Variants in SGCZ observed in about 807,000 individuals in gnomAD.
SGCZ encodes zeta-sarcoglycan.
In SGCZ, 40 loss-of-function variants were observed where a neutral mutation model predicts 41.3. That is an observed-to-expected ratio of 0.97 (90% confidence interval 0.75 to 1.26). The LOEUF (loss-of-function observed/expected upper bound fraction) is 1.26. Ranked by LOEUF, SGCZ falls within the 50% of genes most tolerant of loss-of-function variation. The pLI, the probability that SGCZ is intolerant of heterozygous loss-of-function variation, is 0.00. For missense variants in SGCZ, 552 were observed against 369.8 expected (o/e 1.49, Z -4.04); for synonymous variants, 206 against 137.5 (o/e 1.50, Z -3.49).
At chr8:14,390,664 G>C (rs935578048) in intron 2 of SGCZ, among the ~76,000 whole-genome samples, 4 of 151,740 alleles carry the variant, frequency 2.6e-5, no homozygotes, top group Non-Finnish European at 4.4e-5. Context: ...GTCATTTTAG[G>C]TTGACACAAA....
chr8:14,783,161 C>T (rs1201976862), intron 1 of SGCZ, among the ~76,000 whole-genome samples: 1 of 152,142 alleles, frequency 6.6e-6, no homozygotes, highest in East Asian at 1.9e-4. Flanking sequence ...TGGCCGGGCA[C>T]GGTGGCTCAC....
intron 2 of SGCZ, among the ~76,000 whole-genome samples, chr8:14,461,707 G>A (rs894206590): frequency 2.0e-5 from 3 of 151,988 alleles, no homozygotes; most frequent in African/African-American, 4.8e-5. Flanking sequence ...GATATTCAAC[G>A]CAAAGTCCTA....
intron 2 of SGCZ, among the ~76,000 whole-genome samples, chr8:14,472,730 T>A (rs147934369): frequency 6.6e-6 from 1 of 152,178 alleles, no homozygotes; most frequent in Admixed American, 6.5e-5. Flanking sequence ...TCCTCCTGTA[T>A]ACATTCAAAC....
At chr8:14,531,163 T>C (rs1373130338) in intron 2 of SGCZ, among the ~76,000 whole-genome samples, 1 of 152,026 alleles carries the variant, frequency 6.6e-6, no homozygotes. Context: ...TACACTATCA[T>C]ACCTCTTTCT....
chr8:14,496,449 T>A (rs1232639732), intron 2 of SGCZ, among the ~76,000 whole-genome samples: 4 of 152,098 alleles, frequency 2.6e-5, no homozygotes, highest in Non-Finnish European at 5.9e-5. Context: ...TCTTGAGTAT[T>A]TTCTTCCCAT....
chr8:14,645,971 C>T (rs1510443), intron 1 of SGCZ, among the ~76,000 whole-genome samples: 112,369 of 151,526 alleles, frequency 0.74, 41,881 homozygotes, highest in East Asian at 0.91. Context: ...TCTATAAAAA[C>T]GAGAAAAATT....
At chr8:14,831,452 G>A (rs1227200933) in intron 1 of SGCZ, among the ~76,000 whole-genome samples, 1 of 152,106 alleles carries the variant, frequency 6.6e-6, no homozygotes, top group East Asian at 1.9e-4. Flanking sequence ...ATAATTCTGG[G>A]ACACAGTGCT....
chr8:14,700,555 G>T (rs1014159547), intron 1 of SGCZ, among the ~76,000 whole-genome samples: 1 of 151,710 alleles, frequency 6.6e-6, no homozygotes, highest in East Asian at 1.9e-4. Flanking sequence ...CCAGACCTCA[G>T]TGACACACAA....
chr8:14,707,724 G>T (rs1268454644), intron 1 of SGCZ, among the ~76,000 whole-genome samples: 1 of 152,076 alleles, frequency 6.6e-6, no homozygotes, highest in Non-Finnish European at 1.5e-5. Context: ...ATGAACAATT[G>T]TTAGAAAGAA....
intron 1 of SGCZ, among the ~76,000 whole-genome samples, chr8:14,585,828 C>T (rs185822611): frequency 2.0e-5 from 3 of 152,176 alleles, no homozygotes; most frequent in South Asian, 2.1e-4. Flanking sequence ...AATTCTGTTT[C>T]GTAGCAAACC....
chr8:14,508,345 C>G (rs990423731), intron 2 of SGCZ, among the ~76,000 whole-genome samples: 2 of 151,962 alleles, frequency 1.3e-5, no homozygotes, highest in African/African-American at 4.8e-5. Flanking sequence ...ATAGAAAACC[C>G]CTATTAAAAA....
At chr8:14,356,601 G>A (rs1314837936) in intron 2 of SGCZ, among the ~76,000 whole-genome samples, 1 of 151,842 alleles carries the variant, frequency 6.6e-6, no homozygotes, top group Non-Finnish European at 1.5e-5. Context: ...TGCCTTTTTA[G>A]CCCAATATAA....
intron 2 of SGCZ, among the ~76,000 whole-genome samples, chr8:14,521,380 T>A (rs1802783483): frequency 6.6e-6 from 1 of 152,148 alleles, no homozygotes; most frequent in African/African-American, 2.4e-5. Context: ...TTGTGTGTAT[T>A]GATAGTAATC....
At chr8:14,346,229 C>T (rs1197691234) in intron 2 of SGCZ, among the ~76,000 whole-genome samples, 2 of 151,960 alleles carry the variant, frequency 1.3e-5, no homozygotes, top group African/African-American at 4.8e-5. Context: ...ATTGTTTGTA[C>T]ATTCTGCTCA....
At chr8:14,277,326 C>T (rs1243264715) in intron 3 of SGCZ, among the ~76,000 whole-genome samples, 1 of 149,460 alleles carries the variant, frequency 6.7e-6, no homozygotes, top group Non-Finnish European at 1.5e-5. Flanking sequence ...CTTTTGCAAT[C>T]CTGTCCCCTT....
intron 4 of SGCZ, among the ~76,000 whole-genome samples, chr8:14,216,311 T>C (rs1206700243): frequency 6.6e-6 from 1 of 152,170 alleles, no homozygotes; most frequent in Non-Finnish European, 1.5e-5. Flanking sequence ...TTTCCTATAC[T>C]TTCTCCTACC....
chr8:14,811,118 T>C (rs1373371590), intron 1 of SGCZ, among the ~76,000 whole-genome samples: 1 of 152,022 alleles, frequency 6.6e-6, no homozygotes, highest in African/African-American at 2.4e-5. Context: ...GTAAGAAATA[T>C]AGAACACAGA....
chr8:14,882,950 A>AT (rs984290961), intron 1 of SGCZ, among the ~76,000 whole-genome samples: 2 of 152,022 alleles, frequency 1.3e-5, no homozygotes, highest in Non-Finnish European at 2.9e-5. Context: ...CTGATTTTTA[A>AT]TTTTTTAATA....
chr8:15,001,144 T>G (rs1194174742), intron 1 of SGCZ, among the ~76,000 whole-genome samples: 1 of 152,146 alleles, frequency 6.6e-6, no homozygotes, highest in Admixed American at 6.5e-5. Flanking sequence ...GAGGATGAAA[T>G]TGTTCTCTGA....
Sources: gnomAD v4.1 joint callset for allele counts (sites outside exome capture counted in the v4.1 genomes callset) on GRCh38, gnomAD v4.1.1 for gene constraint, MANE v1.5 for transcripts, NCBI Gene and HGNC (gene_info 2026-07-23, HGNC 2026-07-21) for gene names.